Variants in SMYD3 observed in about 807,000 individuals in gnomAD.
SMYD3 encodes the protein histone-lysine N-methyltransferase SMYD3.
A neutral mutation model predicts 57.7 loss-of-function variants in SMYD3; 36 were observed. The observed-to-expected ratio is 0.62, with a 90% CI of 0.48 to 0.82. The LOEUF (loss-of-function observed/expected upper bound fraction) is 0.82. Among genes scored for constraint, SMYD3 ranks in the 40% least tolerant of loss-of-function variants. The pLI is 0.00. For synonymous variants in SMYD3, 211 were observed against 195.0 expected, an observed-to-expected ratio of 1.08 and a Z score of -0.68; for missense variants, 515 against 538.8, an observed-to-expected ratio of 0.96 and a Z score of 0.44.
At chr1:245,882,187 T>C (rs1350079662) in intron 8 of SMYD3, among the ~76,000 whole-genome samples, 1 of 152,146 alleles carries the variant, frequency 6.6e-6, no homozygotes, top group Non-Finnish European at 1.5e-5. Flanking sequence ...GGATTATACA[T>C]GTTGCTGGAA....
At chr1:246,111,001 C>A (rs569182113) in intron 5 of SMYD3, among the ~76,000 whole-genome samples, 1 of 152,218 alleles carries the variant, frequency 6.6e-6, no homozygotes, top group African/African-American at 2.4e-5. Context: ...AGATAACTCA[C>A]CAAATCCTTG....
rs1294347911 is a variant in SMYD3 at position 246,328,818 on chromosome 1, A to C, written c.395-1481T>G. ...ACTCGTCACTTAGCATTAGATATAT[A>C]TACTAATGCTATCCCTCCCCACTCC... On this transcript the variant is annotated intron_variant, in intron 4 of 11. Transcript: ENST00000490107. Among the ~76,000 whole-genome samples, 7 of 152,136 alleles carry C rather than the reference A, an allele frequency of 4.6e-5. 1 individual carries two copies. The East Asian group carries it at 5.8e-4, about 13-fold the overall frequency.
At chr1:246,026,060 G>A (rs1343029783) in intron 5 of SMYD3, 2 of 152,150 alleles carry the variant, frequency 1.3e-5, no homozygotes, top group African/African-American at 4.8e-5. Context: ...CAGGAGGTAG[G>A]TTGCAGTGAA....
chr1:246,393,182 T>C (rs2066600781), intron 1 of SMYD3, among the ~76,000 whole-genome samples: 1 of 152,190 alleles, frequency 6.6e-6, no homozygotes, highest in Non-Finnish European at 1.5e-5. Context: ...TAAACAACTC[T>C]GAGACTATGT....
rs977498529 is a variant in SMYD3, at chr1:245,749,469, G to A, written c.*94C>T. 1.6e-5 allele frequency: 15 copies of A among 911,094 alleles called. No individual in the cohort carries two copies. The highest frequency in any genetic ancestry group is 2.6e-5 in the Non-Finnish European group (15 of 575,214). The allele number at this position is 911,094 out of a possible 1,614,324, so 56.4% of individuals were successfully genotyped here. A position where few individuals can be genotyped will look rare whatever the true frequency, so the allele number is the denominator to read the frequency against. ...AAACACGGAACAGAATTTCCAATAGGAGAGGTTCACACAGCTAACAAAGCA... is the reference window on the plus strand; with the variant it reads ...AAACACGGAACAGAATTTCCAATAGAAGAGGTTCACACAGCTAACAAAGCA... On this transcript the variant is annotated 3_prime_UTR_variant, in exon 12 of 12. Coordinates refer to ENST00000490107, the MANE Select transcript of SMYD3 (RefSeq NM_001167740.2).
At chr1:246,327,083 T>G in intron 5 of SMYD3, 118 bp downstream of exon 5, 1 of 1,161,136 alleles carries the variant, frequency 8.6e-7, no homozygotes, top group Non-Finnish European at 1.3e-6. Flanking sequence ...GGAAGTAATA[T>G]AAGGCATTAA....
chr1:246,421,779 T>A (rs1243725367), intron 1 of SMYD3, among the ~76,000 whole-genome samples: 1 of 152,148 alleles, frequency 6.6e-6, no homozygotes, highest in Non-Finnish European at 1.5e-5. Context: ...AAACATCAAG[T>A]GCAATGTGAG....
At chr1:245,970,760 C>G (rs1049206500) in intron 5 of SMYD3, among the ~76,000 whole-genome samples, 3 of 152,118 alleles carry the variant, frequency 2.0e-5, no homozygotes, top group East Asian at 1.9e-4. Flanking sequence ...CCATCTCACA[C>G]CAGTTAGAAT....
intron 2 of SMYD3, among the ~76,000 whole-genome samples, chr1:246,346,344 A>T (rs1558414707): frequency 6.6e-6 from 1 of 152,150 alleles, no homozygotes; most frequent in Non-Finnish European, 1.5e-5. Flanking sequence ...ACATCTTGCC[A>T]TCACACTACT....
chr1:246,099,375 G>A (rs993572314), intron 5 of SMYD3, among the ~76,000 whole-genome samples: 1 of 152,100 alleles, frequency 6.6e-6, no homozygotes, highest in African/African-American at 2.4e-5. Flanking sequence ...TCCAAAAGAA[G>A]TAGAACTATG....
At chr1:246,173,419 A>C (rs1309137075) in intron 5 of SMYD3, among the ~76,000 whole-genome samples, 2 of 152,258 alleles carry the variant, frequency 1.3e-5, no homozygotes, top group Non-Finnish European at 1.5e-5. Flanking sequence ...GTAATAAATT[A>C]AGCTTAGCTT....
intron 1 of SMYD3, among the ~76,000 whole-genome samples, chr1:246,358,926 C>G (rs2065948003): frequency 6.6e-6 from 1 of 151,840 alleles, no homozygotes; most frequent in Non-Finnish European, 1.5e-5. Flanking sequence ...AAGAACAATC[C>G]AAACCCAAAT....
At chr1:245,879,958 A>G (rs375309749) in intron 8 of SMYD3, among the ~76,000 whole-genome samples, 1 of 144,198 alleles carries the variant, frequency 6.9e-6, no homozygotes, top group Non-Finnish European at 1.5e-5. Flanking sequence ...TGCTGTACAC[A>G]CCAGAGATAG....
At chr1:246,468,738 G>A (rs867701278) in intron 1 of SMYD3, among the ~76,000 whole-genome samples, 2 of 152,156 alleles carry the variant, frequency 1.3e-5, no homozygotes, top group Non-Finnish European at 2.9e-5. Flanking sequence ...CATTTTGGGA[G>A]GCTGAGGTGG....
chr1:246,500,539 C>G (rs2068441199), intron 1 of SMYD3, among the ~76,000 whole-genome samples: 1 of 152,140 alleles, frequency 6.6e-6, no homozygotes, highest in African/African-American at 2.4e-5. Flanking sequence ...CCATAATAAC[C>G]CGACACAAGG....
At chr1:245,858,218 C>T (rs113470103) in intron 10 of SMYD3, among the ~76,000 whole-genome samples, 1,736 of 152,284 alleles carry the variant, frequency 0.011, 16 homozygotes, top group Non-Finnish European at 0.018. Flanking sequence ...AGCGCCACAT[C>T]GTATTGTAAT....
At chr1:245,967,325 G>T (rs2058181247) in intron 5 of SMYD3, among the ~76,000 whole-genome samples, 1 of 152,094 alleles carries the variant, frequency 6.6e-6, no homozygotes, top group Admixed American at 6.5e-5. Context: ...AAAGTTATGG[G>T]CAACTTACCA....
chr1:245,965,079 C>G (rs116635482), intron 5 of SMYD3, among the ~76,000 whole-genome samples: 283 of 152,124 alleles, frequency 1.9e-3, no homozygotes, highest in African/African-American at 6.6e-3. Flanking sequence ...TAAAAAAATA[C>G]CCCAGAGGGA....
rs1558440328 is a variant in SMYD3 at position 246,391,409 on chromosome 1, AGAGAGAGAAAAAG to A, written c.165-36328_165-36316del. ...GAGAGAGAGAAAGAGAGAGAGAGAA[AGAGAGAGAAAAAG>A]AGAGAGAGAGAGAGAGAGAAGGAGA... On this transcript the variant is annotated intron_variant, in intron 1 of 11. Coordinates refer to ENST00000490107, the MANE Select transcript of SMYD3 (RefSeq NM_001167740.2). Among the ~76,000 whole-genome samples the A allele has an allele frequency of 5.1e-3, 414 of 81,340 alleles. 5 individuals are homozygous for A. Among genetic ancestry groups the A allele is most frequent in the Non-Finnish European group, 6.7e-3 (265 of 39,504 alleles). 53.4% of individuals were successfully genotyped at this position (81,340 alleles called of 152,430 possible). A position where few individuals can be genotyped will look rare whatever the true frequency, so the allele number is the denominator to read the frequency against.
Sources: allele counts gnomAD v4.1 joint callset (sites outside exome capture counted in the v4.1 genomes callset), GRCh38; gene constraint gnomAD v4.1.1; transcripts MANE v1.5; gene names NCBI Gene and HGNC (gene_info 2026-07-23, HGNC 2026-07-21).